Variants in PTPN3 observed in about 807,000 individuals in gnomAD.
PTPN3 encodes the protein tyrosine-protein phosphatase non-receptor type 3.
A neutral mutation model predicts 132.7 loss-of-function variants in PTPN3; 96 were observed. That is an observed-to-expected ratio of 0.72 (90% confidence interval 0.61 to 0.86). The LOEUF (loss-of-function observed/expected upper bound fraction) is 0.86, where lower values mean the gene tolerates loss of function less well. PTPN3 is among the 40% of genes least tolerant of loss of function. PTPN3 has a pLI of 0.00. For missense variants in PTPN3, 1,125 were observed against 1,159.6 expected, an observed-to-expected ratio of 0.97 and a Z score of 0.43; for synonymous variants, 398 against 429.0, an observed-to-expected ratio of 0.93 and a Z score of 0.89.
At chr9:109,473,610 C>T (rs1846488577) in intron 1 of PTPN3, among the ~76,000 whole-genome samples, 1 of 152,128 alleles carries the variant, frequency 6.6e-6, no homozygotes, top group South Asian at 2.1e-4. Context: ...TCTTAAGTGC[C>T]ATGAGCTGGG....
chr9:109,445,728 T>C (rs2131977674), intron 6 of PTPN3, among the ~76,000 whole-genome samples: 1 of 152,372 alleles, frequency 6.6e-6, no homozygotes, highest in Non-Finnish European at 1.5e-5. Context: ...CCTTTGGTTC[T>C]AGATTACCCT....
intron 5 of PTPN3, chr9:109,450,925 A>G: frequency 1.0e-6 from 1 of 985,290 alleles, no homozygotes; most frequent in Non-Finnish European, 1.2e-6. Flanking sequence ...GACTCTTGAG[A>G]GCTAAAATTT....
chr9:109,500,066 T>TC (rs1345655362), upstream of PTPN3, among the ~76,000 whole-genome samples: 2 of 152,216 alleles, frequency 1.3e-5, no homozygotes, highest in African/African-American at 2.4e-5. Flanking sequence ...CTCTGTCCTT[T>TC]CCCCACTGCC....
intron 1 of PTPN3, among the ~76,000 whole-genome samples, chr9:109,465,843 C>CT (rs1212375390): frequency 2.6e-5 from 4 of 151,496 alleles, no homozygotes; most frequent in African/African-American, 4.9e-5. Context: ...AGTAAGTTAA[C>CT]TTTTTTTTAT....
rs771937488 is a variant in PTPN3 at position 109,433,166 on chromosome 9, A to G, written c.676-5T>C. On this transcript the variant is annotated splice_polypyrimidine_tract_variant and splice_region_variant and intron_variant, in intron 9 of 25. Coordinates refer to ENST00000374541, the MANE Select transcript of PTPN3 (RefSeq NM_002829.4). ...TAGGTCTAAATTGTGCAGATCCTGT[A>G]AAAAGGAAGATCTCAGATCCACAGC... is the stretch of plus-strand genomic sequence containing the variant. 68 of 1,613,750 alleles carry G rather than the reference A, an allele frequency of 4.2e-5. No homozygotes were observed. The highest frequency in any genetic ancestry group is 5.7e-5 in the Non-Finnish European group (67 of 1,179,926).
chr9:109,489,393 T>C (rs1847354650), intron 1 of PTPN3, among the ~76,000 whole-genome samples: 1 of 152,214 alleles, frequency 6.6e-6, no homozygotes, highest in Admixed American at 6.5e-5. Context: ...AGGTTAGTTT[T>C]GTCTTTATCC....
rs1029162663 is a variant in PTPN3, at chr9:109,498,219, C to T, written c.-18G>A. On this transcript the variant is annotated splice_region_variant and 5_prime_UTR_variant, in exon 1 of 26. Coordinates refer to ENST00000374541, the MANE Select transcript of PTPN3 (RefSeq NM_002829.4). This position sits in a 1 kb window ranked among gnomAD's most constrained non-coding sequence, Gnocchi z 4.2. ...CCGCTGGGGTCGCACGGGCCCGTAC[C>T]TGCAGCATCCGGGGGCGCGGAGCGC... 2.0e-5 allele frequency: 3 copies of T among 146,558 alleles called. No homozygotes were observed. Among genetic ancestry groups the T allele is most frequent in the Admixed American group, 6.8e-5 (1 of 14,762 alleles). The allele number at this position is 146,558 out of a possible 1,614,324, so 9.1% of individuals were successfully genotyped here.
chr9:109,442,226 T>C (rs910047982), intron 7 of PTPN3, among the ~76,000 whole-genome samples: 6 of 152,182 alleles, frequency 3.9e-5, no homozygotes, highest in African/African-American at 1.4e-4. Flanking sequence ...TTTTGTATAT[T>C]TTGTAGAGAC....
the PTPN3 span, among the ~76,000 whole-genome samples, chr9:109,536,338 T>C: frequency 4.1e-4 from 62 of 152,356 alleles, no homozygotes; most frequent in African/African-American, 1.5e-3. Context: ...TGTATACCGA[T>C]CTTCAATCCT....
At chr9:109,503,923 A>G in the PTPN3 span, among the ~76,000 whole-genome samples, 2 of 152,188 alleles carry the variant, frequency 1.3e-5, no homozygotes, top group Non-Finnish European at 2.9e-5. Flanking sequence ...ACAAAACAAA[A>G]ATATCCCTGC....
At chr9:109,510,988 TA>T in the PTPN3 span, among the ~76,000 whole-genome samples, 4 of 152,230 alleles carry the variant, frequency 2.6e-5, no homozygotes, top group Admixed American at 6.5e-5. Flanking sequence ...AAAGAAACAT[TA>T]AAAAAATCCA....
At chr9:109,497,811 C>T (rs1318943462) in intron 1 of PTPN3, among the ~76,000 whole-genome samples, 1 of 151,964 alleles carries the variant, frequency 6.6e-6, no homozygotes, top group Admixed American at 6.5e-5. Flanking sequence ...GGCTAGCTCC[C>T]CGCGGGCTGT....
chr9:109,375,937 C>T lies in PTPN3; in HGVS notation c.*3619G>A, dbSNP rs1039929509. The T allele has an allele frequency of 1.3e-5, 2 of 152,234 alleles. No homozygotes were observed. Among genetic ancestry groups the T allele is most frequent in the Non-Finnish European group, 2.9e-5 (2 of 68,042 alleles). The allele number at this position is 152,234 out of a possible 1,614,324, so 9.4% of individuals were successfully genotyped here. ...AAGCATTTGGTCCCCGGTCTGAGGT[C>T]ACAGAATCTTTGCCACCTTTACCGA... is the stretch of plus-strand genomic sequence containing the variant. On this transcript the variant is annotated 3_prime_UTR_variant, in exon 26 of 26. Transcript: ENST00000374541.
chr9:109,519,633 G>A, the PTPN3 span, among the ~76,000 whole-genome samples: 2 of 152,184 alleles, frequency 1.3e-5, no homozygotes. Flanking sequence ...CTTGCTGACT[G>A]CAAGGGCTGG....
chr9:109,504,977 CAA>C, the PTPN3 span, among the ~76,000 whole-genome samples: 1 of 152,038 alleles, frequency 6.6e-6, no homozygotes, highest in Non-Finnish European at 1.5e-5. Context: ...ATACTGAAAA[CAA>C]AGAGAGAGGA....
intron 2 of PTPN3, 140 bp from the exon 3 acceptor site, chr9:109,457,539 A>C (rs1845626923): frequency 1.5e-6 from 1 of 682,294 alleles, no homozygotes; most frequent in African/African-American, 1.8e-5. Flanking sequence ...AGCTTTAATA[A>C]ATTTTAAGAA....
rs1475764512 is a variant in PTPN3, at chr9:109,461,481, A to C, written c.138+1816T>G. Among the ~76,000 whole-genome samples the C allele has an allele frequency of 2.0e-5, 3 of 152,256 alleles. No homozygotes were observed. In the East Asian group the frequency reaches 5.8e-4, roughly 29 times the overall value. ...ATAAAATACAAAATTTAAGCCAGGC[A>C]TGGTAGCTCATGCTTTACAATTCCA... On this transcript the variant is annotated intron_variant, in intron 2 of 25. Transcript: ENST00000374541.
At chr9:109,394,951 A>C (rs1344441197) in intron 19 of PTPN3, among the ~76,000 whole-genome samples, 1 of 151,954 alleles carries the variant, frequency 6.6e-6, no homozygotes, top group Non-Finnish European at 1.5e-5. Flanking sequence ...CATCCAGGCT[A>C]ACATGGTGAA....
At chr9:109,393,384 CTTT>C (rs929613549) in intron 19 of PTPN3, among the ~76,000 whole-genome samples, 2 of 119,906 alleles carry the variant, frequency 1.7e-5, no homozygotes, top group Non-Finnish European at 1.8e-5. Flanking sequence ...TTTTTTTTGT[CTTT>C]TTTTTTTTTT....
Sources: allele counts gnomAD v4.1 joint callset (sites outside exome capture counted in the v4.1 genomes callset), GRCh38; gene constraint gnomAD v4.1.1; non-coding constraint Gnocchi (gnomAD v3.1); transcripts MANE v1.5; gene names NCBI Gene and HGNC (gene_info 2026-07-23, HGNC 2026-07-21).